KCNMB2: variants seen among roughly 807,000 people sequenced by gnomAD.
KCNMB2 encodes potassium calcium-activated channel subfamily M regulatory beta subunit 2.
Under a neutral mutation model 24.5 loss-of-function variants are expected in KCNMB2, and 9 were observed. That is an observed-to-expected ratio of 0.37 (90% CI 0.22 to 0.64). The LOEUF (loss-of-function observed/expected upper bound fraction) is 0.64, where lower values mean the gene tolerates loss of function less well. Among genes scored for constraint, KCNMB2 ranks in the 30% least tolerant of loss-of-function variants. KCNMB2 has a pLI of 0.63. For synonymous variants in KCNMB2, 109 were observed against 104.4 expected, an observed-to-expected ratio of 1.04 and a Z score of -0.27; for missense variants, 226 against 284.3, an observed-to-expected ratio of 0.79 and a Z score of 1.47.
intron 1 of KCNMB2, among the ~76,000 whole-genome samples, chr3:178,717,951 T>C (rs1013645399): frequency 6.6e-6 from 1 of 152,130 alleles, no homozygotes; most frequent in Non-Finnish European, 1.5e-5. Context: ...GAGATCACCA[T>C]TCCTAAACTC....
intron 1 of KCNMB2, among the ~76,000 whole-genome samples, chr3:178,730,409 C>T (rs1723109125): frequency 7.1e-6 from 1 of 140,902 alleles, no homozygotes; most frequent in African/African-American, 2.6e-5. Context: ...CCCAACACCC[C>T]CCCACACACA....
intron 1 of KCNMB2, among the ~76,000 whole-genome samples, chr3:178,754,837 C>A (rs909721153): frequency 6.6e-6 from 1 of 152,210 alleles, no homozygotes; most frequent in Non-Finnish European, 1.5e-5. Flanking sequence ...ATAGACCCTG[C>A]AGCTTTACAG....
intron 1 of KCNMB2, among the ~76,000 whole-genome samples, chr3:178,717,946 C>T (rs895086479): frequency 1.3e-5 from 2 of 151,736 alleles, no homozygotes. Flanking sequence ...GAAGTGAGAT[C>T]ACCATTCCTA....
chr3:178,760,024 CTA>C (rs1263597190), intron 1 of KCNMB2, among the ~76,000 whole-genome samples: 10 of 2,418 alleles, frequency 4.1e-3, no homozygotes, highest in East Asian at 0.02. Context: ...GAGGATATAT[CTA>C]TATATATATA....
intron 1 of KCNMB2, among the ~76,000 whole-genome samples, chr3:178,654,643 C>CT (rs1028232532): frequency 8.5e-5 from 13 of 152,126 alleles, no homozygotes; most frequent in East Asian, 3.9e-4. Flanking sequence ...AATACTTAGA[C>CT]TTTTTTTAAA....
chr3:178,722,970 A>G (rs1722857016), intron 1 of KCNMB2, among the ~76,000 whole-genome samples: 1 of 152,190 alleles, frequency 6.6e-6, no homozygotes, highest in South Asian at 2.1e-4. Context: ...TTCAAACCAT[A>G]ACAGTGTCCT....
chr3:178,555,084 G>A (rs79198467), intron 1 of KCNMB2, among the ~76,000 whole-genome samples: 4,721 of 122,436 alleles, frequency 0.039, 132 homozygotes, highest in Admixed American at 0.11. Flanking sequence ...CAGATCAGAG[G>A]AGCTGGTATG....
At chr3:178,630,370 TCCCAACGGGACTG>T (rs1719274792) in intron 1 of KCNMB2, among the ~76,000 whole-genome samples, 1 of 152,216 alleles carries the variant, frequency 6.6e-6, no homozygotes, top group African/African-American at 2.4e-5. Flanking sequence ...CAGCATCTCC[TCCCAACGGGACTG>T]CCACCAGTAA....
At chr3:178,817,740 T>C (rs9877743) in intron 2 of KCNMB2, among the ~76,000 whole-genome samples, 10,778 of 152,194 alleles carry the variant, frequency 0.071, 474 homozygotes, top group African/African-American at 0.12. Context: ...GATGGGAAGA[T>C]AGAAACTGGA....
chr3:178,579,042 A>G (rs534646822), intron 1 of KCNMB2, among the ~76,000 whole-genome samples: 1 of 152,144 alleles, frequency 6.6e-6, no homozygotes, highest in East Asian at 1.9e-4. Flanking sequence ...CATCAACAGA[A>G]CTCTCCACCC....
At chr3:178,763,705 T>G (rs1005302684) in intron 1 of KCNMB2, among the ~76,000 whole-genome samples, 2 of 152,180 alleles carry the variant, frequency 1.3e-5, no homozygotes, top group Non-Finnish European at 2.9e-5. Flanking sequence ...TCATGTCTTT[T>G]GATACTCAGC....
intron 1 of KCNMB2, among the ~76,000 whole-genome samples, chr3:178,686,958 T>C (rs1407506052): frequency 1.3e-5 from 2 of 152,136 alleles, no homozygotes; most frequent in African/African-American, 4.8e-5. Context: ...TTTTTAACCA[T>C]GAAAGCAAAT....
At chr3:178,718,353 C>T (rs770519339) in intron 1 of KCNMB2, among the ~76,000 whole-genome samples, 1 of 152,184 alleles carries the variant, frequency 6.6e-6, no homozygotes, top group Non-Finnish European at 1.5e-5. Flanking sequence ...TACCAAGTCC[C>T]TGAGTTTTTT....
chr3:178,710,770 G>A (rs1722426648), intron 1 of KCNMB2, among the ~76,000 whole-genome samples: 1 of 152,146 alleles, frequency 6.6e-6, no homozygotes, highest in African/African-American at 2.4e-5. Flanking sequence ...AGTTTTCCTT[G>A]AGGCTCTTAT....
rs1431957476 is a variant in KCNMB2, at chr3:178,536,567, G to C, written c.-212G>C. On this transcript the variant is annotated 5_prime_UTR_variant, in exon 1 of 5. It removes the in-frame stop codon of an upstream open reading frame in the 5' UTR. Coordinates refer to ENST00000452583, the MANE Select transcript of KCNMB2 (RefSeq NM_181361.3). Reference sequence around the variant, plus strand: ...CAGGGAGTATTAAAGCTATGAGTTAGAAAGGGTTGTGACATTAATGGTCCA... The same window carrying C: ...CAGGGAGTATTAAAGCTATGAGTTACAAAGGGTTGTGACATTAATGGTCCA... 1 of 152,178 alleles carries C rather than the reference G, an allele frequency of 6.6e-6. No individual in the cohort carries two copies. Among genetic ancestry groups the C allele is most frequent in the Admixed American group, 6.5e-5 (1 of 15,276 alleles). 9.4% of individuals were successfully genotyped at this position (152,178 alleles called of 1,614,324 possible). A position where few individuals can be genotyped will look rare whatever the true frequency, so the allele number is the denominator to read the frequency against.
At chr3:178,655,237 T>C (rs1201991265) in intron 1 of KCNMB2, among the ~76,000 whole-genome samples, 1 of 152,046 alleles carries the variant, frequency 6.6e-6, no homozygotes, top group African/African-American at 2.4e-5. Context: ...CTAGGAATGG[T>C]ACTTCAGTAT....
chr3:178,818,488 T>C (rs1714494925), intron 2 of KCNMB2, among the ~76,000 whole-genome samples: 2 of 152,192 alleles, frequency 1.3e-5, no homozygotes, highest in Admixed American at 6.5e-5. Context: ...CGTGTTCTCA[T>C]TGCTCAGCTC....
At chr3:178,682,016 T>C (rs1433490923) in intron 1 of KCNMB2, among the ~76,000 whole-genome samples, 1 of 152,170 alleles carries the variant, frequency 6.6e-6, no homozygotes, top group Non-Finnish European at 1.5e-5. Context: ...TTTGCACTCA[T>C]TTTTTCTCAA....
intron 1 of KCNMB2, among the ~76,000 whole-genome samples, chr3:178,556,699 C>T (rs1219108207): frequency 6.6e-6 from 1 of 152,164 alleles, no homozygotes; most frequent in Non-Finnish European, 1.5e-5. Flanking sequence ...GCCACCTCGC[C>T]CTGCCGACAC....
Sources: allele counts gnomAD v4.1 joint callset (sites outside exome capture counted in the v4.1 genomes callset), GRCh38; gene constraint gnomAD v4.1.1; transcripts MANE v1.5; gene names NCBI Gene and HGNC (gene_info 2026-07-23, HGNC 2026-07-21).